GRM7: variants seen among roughly 807,000 people sequenced by gnomAD.
GRM7 encodes metabotropic glutamate receptor 7.
GRM7 carries 35 observed loss-of-function variants against 84.5 expected under a neutral mutation model. The observed-to-expected ratio is 0.41, with a 90% CI of 0.32 to 0.55. The LOEUF is 0.55. Among genes scored for constraint, GRM7 ranks in the 20% least tolerant of loss-of-function variants. The probability of loss-of-function intolerance (pLI) is 0.19; values close to 1 mark genes in which losing one functional copy is unlikely to be tolerated. For missense variants in GRM7, 1,003 were observed against 1,194.6 expected (o/e 0.84, Z 2.36); for synonymous variants, 487 against 455.1 (o/e 1.07, Z -0.89).
intron 1 of GRM7, among the ~76,000 whole-genome samples, chr3:6,987,766 T>C (rs1308328797): frequency 6.6e-6 from 1 of 151,674 alleles, no homozygotes; most frequent in Non-Finnish European, 1.5e-5. Context: ...GTATGAAGAG[T>C]GGAGTATTGA....
At chr3:7,364,463 T>C (rs1206545695) in intron 4 of GRM7, among the ~76,000 whole-genome samples, 1 of 151,896 alleles carries the variant, frequency 6.6e-6, no homozygotes, top group African/African-American at 2.4e-5. Context: ...TGAGTTTTAT[T>C]ATGTTCTCTT....
chr3:7,593,709 T>C (rs911982729), intron 8 of GRM7, among the ~76,000 whole-genome samples: 3 of 151,866 alleles, frequency 2.0e-5, no homozygotes, highest in Admixed American at 2.0e-4. Flanking sequence ...GAAAATGGAA[T>C]GGGGTGGGGG....
At chr3:7,504,275 T>C (rs1468324915) in intron 7 of GRM7, among the ~76,000 whole-genome samples, 5 of 152,286 alleles carry the variant, frequency 3.3e-5, no homozygotes, top group African/African-American at 1.2e-4. Context: ...TTTCTTGAAA[T>C]TGCCAAGCTT....
chr3:6,962,921 C>G (rs1207566065), intron 1 of GRM7, among the ~76,000 whole-genome samples: 2 of 152,204 alleles, frequency 1.3e-5, no homozygotes, highest in Non-Finnish European at 2.9e-5. Flanking sequence ...GTTTACTTGT[C>G]TCTGGCTATC....
chr3:7,328,723 G>A (rs1701078854), intron 4 of GRM7, among the ~76,000 whole-genome samples: 1 of 152,130 alleles, frequency 6.6e-6, no homozygotes, highest in African/African-American at 2.4e-5. Flanking sequence ...TCTATTTCTT[G>A]TAGCTAAATG....
Position 7,064,479 on chromosome 3 carries a change from T to TATATACACAC in GRM7, c.520-81972_520-81971insTATACACACA. Among the ~76,000 whole-genome samples the TATATACACAC allele has an allele frequency of 5.2e-3, 514 of 99,192 alleles. 12 individuals are homozygous for TATATACACAC. The highest frequency in any genetic ancestry group is 0.019 in the African/African-American group (479 of 25,590). 65.1% of individuals were successfully genotyped at this position (99,192 alleles called of 152,430 possible). On this transcript the variant is annotated intron_variant, in intron 1 of 9. Transcript: ENST00000357716. ...ATATATATACATATATATATATATATACACACATATACATATATATATACA... is the reference window on the plus strand; with the variant it reads ...ATATATATACATATATATATATATATATATACACACACACACATATACATATATATATACA...
chr3:7,637,750 T>C lies in GRM7; in HGVS notation c.2452-42299T>C, dbSNP rs192905146. Among the ~76,000 whole-genome samples the C allele has an allele frequency of 1.1e-3, 171 of 152,318 alleles. 1 individual carries two copies. The highest frequency in any genetic ancestry group is 3.4e-3 in the African/African-American group (140 of 41,580). On this transcript the variant is annotated intron_variant, in intron 8 of 9. Coordinates refer to ENST00000357716, the MANE Select transcript of GRM7 (RefSeq NM_000844.4). The stretch of plus-strand genomic sequence containing the variant: ...GGTGTTGCCCTGTCACTGAGTCATG[T>C]GAACTTGATGCAAGAATGACAGCAA...
chr3:7,520,855 T>A (rs936826198), intron 7 of GRM7, among the ~76,000 whole-genome samples: 7 of 152,172 alleles, frequency 4.6e-5, no homozygotes, highest in Non-Finnish European at 8.8e-5. Flanking sequence ...GTATGACACT[T>A]CATTGTGAAG....
intron 2 of GRM7, among the ~76,000 whole-genome samples, chr3:7,174,522 C>T (rs1417614000): frequency 6.6e-6 from 1 of 152,166 alleles, no homozygotes; most frequent in Non-Finnish European, 1.5e-5. Flanking sequence ...CTTTTTATGA[C>T]AAACACATCC....
intron 4 of GRM7, among the ~76,000 whole-genome samples, chr3:7,312,940 T>C (rs28578003): frequency 8.7e-4 from 30 of 34,412 alleles, no homozygotes; most frequent in African/African-American, 2.3e-3. Context: ...TTTTTTCTTT[T>C]TTTTTTTTTT....
intron 1 of GRM7, among the ~76,000 whole-genome samples, chr3:6,926,594 C>T (rs745395811): frequency 4.3e-4 from 66 of 152,170 alleles, no homozygotes; most frequent in Admixed American, 2.9e-3. Context: ...TGTAGTCTTA[C>T]AAGGATGTGA....
chr3:7,576,137 C>CA (rs1253435100), intron 7 of GRM7, among the ~76,000 whole-genome samples: 6 of 152,138 alleles, frequency 3.9e-5, no homozygotes, highest in Admixed American at 1.3e-4. Context: ...TGTTTGAAAA[C>CA]ACTTGTATTA....
At chr3:7,246,730 C>A (rs1193100897) in intron 2 of GRM7, among the ~76,000 whole-genome samples, 3 of 152,076 alleles carry the variant, frequency 2.0e-5, no homozygotes, top group Admixed American at 2.0e-4. Flanking sequence ...CAATTCTCTC[C>A]AAATTAATCT....
chr3:7,492,559 G>C (rs969166615), intron 7 of GRM7, among the ~76,000 whole-genome samples: 3 of 152,048 alleles, frequency 2.0e-5, no homozygotes, highest in Non-Finnish European at 4.4e-5. Flanking sequence ...TAGCAATATA[G>C]TAAATTATTG....
intron 4 of GRM7, among the ~76,000 whole-genome samples, chr3:7,354,412 G>A (rs997111522): frequency 7.9e-5 from 12 of 152,140 alleles, no homozygotes; most frequent in African/African-American, 2.7e-4. Flanking sequence ...CCCAGGTTCA[G>A]ATGCATGAGT....
At chr3:7,603,778 A>G (rs1696432917) in intron 8 of GRM7, among the ~76,000 whole-genome samples, 1 of 152,172 alleles carries the variant, frequency 6.6e-6, no homozygotes, top group African/African-American at 2.4e-5. Flanking sequence ...CTTTGGAGGT[A>G]ATTTTTAAAA....
At chr3:7,641,865 T>C (rs1470913807) in intron 8 of GRM7, among the ~76,000 whole-genome samples, 3 of 152,146 alleles carry the variant, frequency 2.0e-5, no homozygotes, top group African/African-American at 7.2e-5. Flanking sequence ...ATTTTCTACA[T>C]TGTCGTTTTG....
intron 8 of GRM7, among the ~76,000 whole-genome samples, chr3:7,666,222 A>G (rs917419204): frequency 1.3e-5 from 2 of 152,228 alleles, no homozygotes; most frequent in African/African-American, 2.4e-5. Flanking sequence ...GAACCTGAAG[A>G]ATGAGTTAGG....
intron 4 of GRM7, among the ~76,000 whole-genome samples, chr3:7,413,593 T>C (rs1183662900): frequency 2.0e-5 from 3 of 152,218 alleles, no homozygotes; most frequent in Admixed American, 1.3e-4. Context: ...ACTATCAGAC[T>C]GTGTAGTGGG....
Sources: allele counts gnomAD v4.1 joint callset (sites outside exome capture counted in the v4.1 genomes callset), GRCh38; gene constraint gnomAD v4.1.1; transcripts MANE v1.5; gene names NCBI Gene and HGNC (gene_info 2026-07-23, HGNC 2026-07-21).